Variants in SPTY2D1 observed in about 807,000 individuals in gnomAD.
SPTY2D1 encodes protein SPT2 homolog.
Under a neutral mutation model 64.0 loss-of-function variants are expected in SPTY2D1, and 21 were observed. That is an observed-to-expected ratio of 0.33 (90% CI 0.23 to 0.47). The LOEUF (loss-of-function observed/expected upper bound fraction) is 0.47, where lower values mean the gene tolerates loss of function less well. SPTY2D1 is among the 20% of genes least tolerant of loss of function. SPTY2D1 has a pLI of 1.00. For synonymous variants in SPTY2D1, 287 were observed against 286.8 expected (o/e 1.00, Z -0.01); for missense variants, 724 against 837.2 (o/e 0.86, Z 1.67).
rs190013915 is a variant in SPTY2D1 at position 18,632,585 on chromosome 11, G to T, written c.60+1613C>A. Among the ~76,000 whole-genome samples, 96 of 152,298 alleles carry T rather than the reference G, an allele frequency of 6.3e-4. 1 individual carries two copies. The highest frequency in any genetic ancestry group is 6.0e-3 in the Admixed American group (91 of 15,288). On this transcript the variant is annotated intron_variant, in intron 1 of 5. Coordinates refer to ENST00000336349, the MANE Select transcript of SPTY2D1 (RefSeq NM_194285.3). Reference sequence around the variant, plus strand: ...GCTGGTCTCAAACTCCTGACTTCAGGTGATTCTCCCGCCTAGGCCTCCCAA... The same window carrying T: ...GCTGGTCTCAAACTCCTGACTTCAGTTGATTCTCCCGCCTAGGCCTCCCAA...
rs71050618 is a variant in SPTY2D1 at position 18,622,101 on chromosome 11, A to AAAAAAAAAAAAAAAAAAC, written c.61-5113_61-5112insGTTTTTTTTTTTTTTTTT. On this transcript the variant is annotated intron_variant, in intron 1 of 5. Coordinates refer to ENST00000336349, the MANE Select transcript of SPTY2D1 (RefSeq NM_194285.3). ...GACCCTATCTCAAAAAAAAAAAAAA[A>AAAAAAAAAAAAAAAAAAC]AAACCAAAACCAAAACCAAAAAAAC... 3.6e-3 allele frequency among the ~76,000 whole-genome samples: 291 copies of AAAAAAAAAAAAAAAAAAC among 81,350 alleles called. 54 individuals are homozygous for AAAAAAAAAAAAAAAAAAC. Among genetic ancestry groups the AAAAAAAAAAAAAAAAAAC allele is most frequent in the Non-Finnish European group, 5.9e-3 (206 of 34,816 alleles). 53.4% of individuals were successfully genotyped at this position (81,350 alleles called of 152,430 possible). A position where few individuals can be genotyped will look rare whatever the true frequency, so the allele number is the denominator to read the frequency against.
intron 1 of SPTY2D1, among the ~76,000 whole-genome samples, chr11:18,632,432 A>G (rs1487192195): frequency 6.6e-6 from 1 of 151,964 alleles, no homozygotes; most frequent in Non-Finnish European, 1.5e-5. Flanking sequence ...GCTCACTGCA[A>G]TCTCCGCCTC....
At chr11:18,626,806 T>C (rs1854506009) in intron 1 of SPTY2D1, among the ~76,000 whole-genome samples, 2 of 152,308 alleles carry the variant, frequency 1.3e-5, no homozygotes, top group African/African-American at 2.4e-5. Context: ...TTGGTAGTGA[T>C]GGGGAAGGGA....
At chr11:18,610,973 A>G (rs781221371) in intron 5 of SPTY2D1, among the ~76,000 whole-genome samples, 6 of 152,176 alleles carry the variant, frequency 3.9e-5, no homozygotes, top group Non-Finnish European at 8.8e-5. Context: ...TTATACTTAA[A>G]TGAGTAAAAC....
Position 18,629,794 on chromosome 11 carries a change from T to C in SPTY2D1, c.60+4404A>G, listed in dbSNP as rs574739653. Among the ~76,000 whole-genome samples the C allele has an allele frequency of 2.0e-5, 3 of 152,300 alleles. No homozygotes were observed. The East Asian group carries it at 5.8e-4, about 29-fold the overall frequency. Reference sequence around the variant, plus strand: ...ATCCTACCTTTAACATAAAAAACTATTTGTTAAAAATTAAGAAACAAAAAA... The same window carrying C: ...ATCCTACCTTTAACATAAAAAACTACTTGTTAAAAATTAAGAAACAAAAAA... On this transcript the variant is annotated intron_variant, in intron 1 of 5. Transcript: ENST00000336349.
chr11:18,614,900 G>C lies in SPTY2D1; in HGVS notation c.1374C>G (p.Pro458=). ...PISGSVSSAR[P]LGSSRGPGRP... is the part of the protein sequence containing the mutation. ...GGCCAGGGCCACGAGAGCTGCCCAAGGGTCTTGCAGAACTAACTGAACCAC... is the reference window on the plus strand; with the variant it reads ...GGCCAGGGCCACGAGAGCTGCCCAACGGTCTTGCAGAACTAACTGAACCAC... Residue 458 remains proline (P), a synonymous_variant, in exon 3 of 6, where the codon CCC becomes CCG. Transcript: ENST00000336349. The C allele has an allele frequency of 6.2e-7, 1 of 1,613,418 alleles. No individual in the cohort carries two copies. The highest frequency in any genetic ancestry group is 1.1e-5 in the South Asian group (1 of 91,058).
In SPTY2D1 at chr11:18,610,053, G is replaced by A; in HGVS notation, c.1965-99C>T. 2.9e-6 allele frequency: 3 copies of A among 1,037,890 alleles called. No homozygotes were observed. In the South Asian group the frequency reaches 4.4e-5, roughly 15 times the overall value. 64.3% of individuals were successfully genotyped at this position (1,037,890 alleles called of 1,614,324 possible). A position where few individuals can be genotyped will look rare whatever the true frequency, so the allele number is the denominator to read the frequency against. ...CCAACTGGGAGCTCACATGGATTGT[G>A]CTGATGCTCTCAAAATGCCTCAAGG... On this transcript the variant is annotated intron_variant, in intron 5 of 5. Transcript: ENST00000336349.
chr11:18,631,428 A>G (rs1228073418), intron 1 of SPTY2D1, among the ~76,000 whole-genome samples: 3 of 151,778 alleles, frequency 2.0e-5, no homozygotes, highest in African/African-American at 7.3e-5. Flanking sequence ...GTGGTGGTGC[A>G]CCCCTGTATT....
In SPTY2D1 at chr11:18,625,516, T is replaced by A. The variant is rs564762011; in HGVS notation, c.61-8527A>T. Among the ~76,000 whole-genome samples, 21 of 152,188 alleles carry A rather than the reference T, an allele frequency of 1.4e-4. No homozygotes were observed. The South Asian group carries it at 4.4e-3, about 32-fold the overall frequency. On this transcript the variant is annotated intron_variant, in intron 1 of 5. Coordinates refer to ENST00000336349, the MANE Select transcript of SPTY2D1 (RefSeq NM_194285.3). ...AGTCTGAATTAGAATCCAGATCGCC[T>A]AACTCAGCCCCAAAATATTCTCACT...
chr11:18,631,130 C>T lies in SPTY2D1; in HGVS notation c.60+3068G>A, dbSNP rs1453511241. Among the ~76,000 whole-genome samples, 7 of 152,336 alleles carry T rather than the reference C, an allele frequency of 4.6e-5. No individual in the cohort carries two copies. The East Asian group carries it at 7.7e-4, about 17-fold the overall frequency. ...CTGGGATTAAAGGTGTGAGCCACAG[C>T]ACCCAGCCAGAAATAAAGCTGTTAA... On this transcript the variant is annotated intron_variant, in intron 1 of 5. Coordinates refer to ENST00000336349, the MANE Select transcript of SPTY2D1 (RefSeq NM_194285.3).
intron 1 of SPTY2D1, among the ~76,000 whole-genome samples, chr11:18,625,010 A>C (rs1339184558): frequency 6.6e-6 from 1 of 152,230 alleles, no homozygotes; most frequent in Non-Finnish European, 1.5e-5. Flanking sequence ...AGAAAAAAAA[A>C]AGTCAATTCC....
intron 5 of SPTY2D1, among the ~76,000 whole-genome samples, chr11:18,610,686 A>AAAAAAAAAAAAAAC (rs1554987436): frequency 6.8e-6 from 1 of 147,188 alleles, no homozygotes; most frequent in Non-Finnish European, 1.5e-5. Context: ...AAAAAAAAAA[A>AAAAAAAAAAAAAAC]AACAACAATA....
Position 18,614,732 on chromosome 11 carries a change from T to A in SPTY2D1, c.1542A>T (p.Pro514=), listed in dbSNP as rs1447022654. 2 of 1,614,146 alleles carry A rather than the reference T, an allele frequency of 1.2e-6. No homozygotes were observed. Among genetic ancestry groups the A allele is most frequent in the Non-Finnish European group, 1.7e-6 (2 of 1,179,962 alleles). ...TTTGCCCAGGTCCCAAGCTGCTCAC[T>A]GGTCTTCCTGGGACTGAATTACTGA... is the stretch of plus-strand genomic sequence containing the variant. ...RTVSNSVPGR[P]VSSLGPGQTV... The change falls in exon 3 of 6, where the codon CCA becomes CCT. Residue 514 remains proline, a synonymous_variant. Coordinates refer to ENST00000336349, the MANE Select transcript of SPTY2D1 (RefSeq NM_194285.3).
At chr11:18,619,255 ACACT>A (rs1854351114) in intron 1 of SPTY2D1, among the ~76,000 whole-genome samples, 1 of 152,158 alleles carries the variant, frequency 6.6e-6, no homozygotes, top group Non-Finnish European at 1.5e-5. Context: ...GCAGAGGCAC[ACACT>A]CACTCCACTC....
At position 18,615,608 on chromosome 11, in the gene SPTY2D1, T is replaced by A. The variant is rs1565159249; in HGVS notation, c.666A>T (p.Lys222Asn). Reference sequence around the variant, plus strand: ...CCTTTTTGGACACAGTTGGAGGTAGTTTTCCATCTGTCTCAAGTTTTTTTC... The same window carrying A: ...CCTTTTTGGACACAGTTGGAGGTAGATTTCCATCTGTCTCAAGTTTTTTTC... ...HRRKKLETDG[K>N]LPPTVSKKAP... is the part of the protein sequence containing the mutation. The change falls in exon 3 of 6, where the codon AAA (lysine) becomes AAT (asparagine). Residue 222 changes from lysine to asparagine, a missense_variant. Coordinates refer to ENST00000336349, the MANE Select transcript of SPTY2D1 (RefSeq NM_194285.3). 1 of 1,614,184 alleles carries A rather than the reference T, an allele frequency of 6.2e-7. No homozygotes were observed.
rs1854128582 is a variant in SPTY2D1 at position 18,607,519 on chromosome 11, A to C, written c.*2342T>G. ...ACATCTTCAAATGTTGAATTAAGAAAATCCAAAAATCAAAACAGTAGAGAA... is the reference window on the plus strand; with the variant it reads ...ACATCTTCAAATGTTGAATTAAGAACATCCAAAAATCAAAACAGTAGAGAA... On this transcript the variant is annotated 3_prime_UTR_variant, in exon 6 of 6. Coordinates refer to ENST00000336349, the MANE Select transcript of SPTY2D1 (RefSeq NM_194285.3). 6.6e-6 allele frequency: 1 copy of C among 152,662 alleles called. No individual in the cohort carries two copies. The highest frequency in any genetic ancestry group is 1.5e-5 in the Non-Finnish European group (1 of 68,042). 9.5% of individuals were successfully genotyped at this position (152,662 alleles called of 1,614,324 possible).
At position 18,607,742 on chromosome 11, in the gene SPTY2D1, CTTTT is replaced by C. The variant is rs1565156696; in HGVS notation, c.*2115_*2118del. 6.6e-6 allele frequency: 1 copy of C among 152,112 alleles called. No individual in the cohort carries two copies. The highest frequency in any genetic ancestry group is 1.5e-5 in the Non-Finnish European group (1 of 68,018). 9.4% of individuals were successfully genotyped at this position (152,112 alleles called of 1,614,324 possible). ...CTTTTAAATGAGCCACAGAAGTGCT[CTTTT>C]ATAATGTTGACGCAAATCAACATTT... On this transcript the variant is annotated 3_prime_UTR_variant, in exon 6 of 6. Transcript: ENST00000336349.
chr11:18,621,514 A>C (rs1273434183), intron 1 of SPTY2D1, among the ~76,000 whole-genome samples: 1 of 152,164 alleles, frequency 6.6e-6, no homozygotes, highest in Non-Finnish European at 1.5e-5. Flanking sequence ...ATTCTCATCA[A>C]TTTATATGTC....
intron 1 of SPTY2D1, among the ~76,000 whole-genome samples, chr11:18,628,529 T>G (rs1391466684): frequency 6.6e-6 from 1 of 152,122 alleles, no homozygotes; most frequent in Non-Finnish European, 1.5e-5. Context: ...TGGATTACAT[T>G]ATATTCTATT....
Sources: gnomAD v4.1 joint callset for allele counts (sites outside exome capture counted in the v4.1 genomes callset) on GRCh38, gnomAD v4.1.1 for gene constraint, MANE v1.5 for transcripts, NCBI Gene and HGNC (gene_info 2026-07-23, HGNC 2026-07-21) for gene names.